Variants in CEBPZOS observed in about 807,000 individuals in gnomAD.
CEBPZOS encodes the protein CEBPZ opposite strand.
In CEBPZOS, 10 loss-of-function variants were observed where a neutral mutation model predicts 4.8. The observed-to-expected ratio is 2.07, with a 90% CI of 1.28 to 3.52. The LOEUF is 3.52. Ranked by LOEUF, CEBPZOS falls within the 30% of genes most tolerant of loss-of-function variation. CEBPZOS has a pLI of 0.00. For synonymous variants in CEBPZOS, 25 were observed against 14.2 expected, an observed-to-expected ratio of 1.77 and a Z score of -1.72; for missense variants, 98 against 43.6, an observed-to-expected ratio of 2.25 and a Z score of -3.51.
downstream of CEBPZOS, among the ~76,000 whole-genome samples, chr2:37,207,475 C>T (rs918691546): frequency 5.3e-5 from 8 of 152,214 alleles, no homozygotes; most frequent in African/African-American, 7.2e-5. Context: ...CAGTGGAATA[C>T]AATTGGAAAT....
rs190954465 is a variant in CEBPZOS, at chr2:37,202,148, G to C, written c.*288G>C. Reference sequence around the variant, plus strand: ...TGCTCTAAAGATTTTCTCTCCCCAAGCACTTTTACTGGTGAAATAAAAACC... The same window carrying C: ...TGCTCTAAAGATTTTCTCTCCCCAACCACTTTTACTGGTGAAATAAAAACC... On this transcript the variant is annotated 3_prime_UTR_variant, in exon 5 of 5. Coordinates refer to ENST00000402297, the MANE Select transcript of CEBPZOS (RefSeq NM_001322374.2). 5.7e-5 allele frequency: 15 copies of C among 261,424 alleles called. No individual in the cohort carries two copies. The highest frequency in any genetic ancestry group is 3.1e-4 in the African/African-American group (14 of 44,480). The allele number at this position is 261,424 out of a possible 1,614,324, so 16.2% of individuals were successfully genotyped here. A position where few individuals can be genotyped will look rare whatever the true frequency, so the allele number is the denominator to read the frequency against.
At chr2:37,206,368 C>G (rs1054799721), downstream of CEBPZOS, among the ~76,000 whole-genome samples, 1 of 152,160 alleles carries the variant, frequency 6.6e-6, no homozygotes, top group Non-Finnish European at 1.5e-5. Flanking sequence ...TTTTTTGTTT[C>G]TTTTTTTGAG....
intron 1 of CEBPZOS, among the ~76,000 whole-genome samples, chr2:37,198,101 A>G (rs781537831): frequency 1.3e-5 from 2 of 152,098 alleles, no homozygotes; most frequent in Admixed American, 6.5e-5. Context: ...CGGAGGTTAC[A>G]GTGAGCCAAG....
At chr2:37,213,536 C>T (rs140986440) in exon 5 of CEBPZOS, 4,213 of 176,104 alleles carry the variant, frequency 0.024, 80 homozygotes, top group Middle Eastern at 0.051. Flanking sequence ...CTCTGCTTCT[C>T]GAGTAGCTGG....
intron 4 of CEBPZOS, chr2:37,211,788 A>C (rs1677727047): frequency 6.8e-6 from 9 of 1,328,110 alleles, no homozygotes; most frequent in Non-Finnish European, 9.2e-6. Flanking sequence ...AAACAAACTT[A>C]AGGCTAAGGA....
chr2:37,208,283 C>T (rs553744373), downstream of CEBPZOS, among the ~76,000 whole-genome samples: 32 of 152,166 alleles, frequency 2.1e-4, no homozygotes, highest in Middle Eastern at 6.8e-3. Context: ...GGGAATCCTC[C>T]CTAAATCATT....
In CEBPZOS at chr2:37,211,360, C is replaced by T. The variant is rs149678461; in HGVS notation, c.*3-2077C>T. 1,258 of 275,626 alleles carry T rather than the reference C, an allele frequency of 4.6e-3. 5 individuals are homozygous for T. Among genetic ancestry groups the T allele is most frequent in the Middle Eastern group, 9.6e-3 (9 of 934 alleles). 17.1% of individuals were successfully genotyped at this position (275,626 alleles called of 1,614,324 possible). Reference sequence around the variant, plus strand: ...AACCCCTTAAAACAAGAAACTTCTGCTGTGGTTCAGAATAAGTAAGAAGAA... The same window carrying T: ...AACCCCTTAAAACAAGAAACTTCTGTTGTGGTTCAGAATAAGTAAGAAGAA... On this transcript the variant is annotated intron_variant, in intron 4 of 4. Transcript: ENST00000397064.
intron 4 of CEBPZOS, chr2:37,211,790 G>T: frequency 7.4e-7 from 1 of 1,349,508 alleles, no homozygotes. Context: ...ACAAACTTAA[G>T]GCTAAGGAAG....
downstream of CEBPZOS, among the ~76,000 whole-genome samples, chr2:37,206,991 C>T (rs1677560757): frequency 1.3e-5 from 2 of 152,254 alleles, no homozygotes; most frequent in East Asian, 1.9e-4. Flanking sequence ...CAAAAGCAAG[C>T]AGGACTAGCT....
downstream of CEBPZOS, among the ~76,000 whole-genome samples, chr2:37,214,340 C>T (rs946455865): frequency 2.0e-5 from 3 of 152,072 alleles, no homozygotes; most frequent in East Asian, 1.9e-4. Context: ...TACTTTACTA[C>T]CCTAAGGCAT....
chr2:37,214,960 A>C, downstream of CEBPZOS: 2 of 1,585,074 alleles, frequency 1.3e-6, no homozygotes, highest in Non-Finnish European at 1.7e-6. Flanking sequence ...TCACTACAAA[A>C]ATAAATTTAA....
Position 37,201,872 on chromosome 2 carries a change from A to G in CEBPZOS, c.*12A>G. 6.2e-7 allele frequency: 1 copy of G among 1,613,810 alleles called. No homozygotes were observed. Among genetic ancestry groups the G allele is most frequent in the Non-Finnish European group, 8.5e-7 (1 of 1,179,902 alleles). ...CATCTCTGTTGTGTAGCCAGTCATC[A>G]CGTTCAGCCTCCCATCTAAGCTGTT... On this transcript the variant is annotated 3_prime_UTR_variant, in exon 5 of 5. Coordinates refer to ENST00000402297, the MANE Select transcript of CEBPZOS (RefSeq NM_001322374.2).
At chr2:37,201,570 T>C (rs1677234628) in intron 3 of CEBPZOS, 72 bp from the exon 4 acceptor site, 2 of 647,360 alleles carry the variant, frequency 3.1e-6, no homozygotes, top group Admixed American at 5.8e-5. Flanking sequence ...AAAGAAGTTG[T>C]TTTTTTCAAT....
intron 4 of CEBPZOS, chr2:37,210,915 T>A: frequency 7.6e-6 from 6 of 786,900 alleles, no homozygotes; most frequent in Non-Finnish European, 9.7e-6. Flanking sequence ...ATTAATCAAA[T>A]TTAGGAGAGT....
At chr2:37,211,621 A>G (rs2239650) in intron 4 of CEBPZOS, 50,182 of 463,018 alleles carry the variant, frequency 0.11, 4,587 homozygotes, top group East Asian at 0.39. Context: ...GGTTAAAGTA[A>G]AAGTCCAAAG....
chr2:37,202,742 A>T lies in CEBPZOS; in HGVS notation c.*882A>T. On this transcript the variant is annotated 3_prime_UTR_variant, in exon 5 of 5. Transcript: ENST00000402297. Reference sequence around the variant, plus strand: ...CCTATCTTCTGAAGTTCCAAGCCAAAGCTATTTTTAAAACATCAATAAAAA... The same window carrying T: ...CCTATCTTCTGAAGTTCCAAGCCAATGCTATTTTTAAAACATCAATAAAAA... 1 of 1,207,994 alleles carries T rather than the reference A, an allele frequency of 8.3e-7. No homozygotes were observed. 74.8% of individuals were successfully genotyped at this position (1,207,994 alleles called of 1,614,324 possible).
downstream of CEBPZOS, among the ~76,000 whole-genome samples, chr2:37,206,897 G>C (rs1677557537): frequency 1.3e-5 from 2 of 152,148 alleles, no homozygotes; most frequent in Non-Finnish European, 2.9e-5. Flanking sequence ...AATCTGCTGT[G>C]TTCAGGAGAC....
intron 4 of CEBPZOS, chr2:37,212,619 GCT>G (rs1054197238): frequency 1.1e-4 from 58 of 532,284 alleles, no homozygotes; most frequent in African/African-American, 8.7e-4. Context: ...GTTAATTTCG[GCT>G]CTTTCTACAG....
At chr2:37,211,898 A>G (rs1677731497) in intron 4 of CEBPZOS, 2 of 1,612,140 alleles carry the variant, frequency 1.2e-6, no homozygotes, top group African/African-American at 2.7e-5. Context: ...CTCCATCTTC[A>G]TCAACTTCAG....
Sources: gnomAD v4.1 joint callset for allele counts (sites outside exome capture counted in the v4.1 genomes callset) on GRCh38, gnomAD v4.1.1 for gene constraint, MANE v1.5 for transcripts, NCBI Gene and HGNC (gene_info 2026-07-23, HGNC 2026-07-21) for gene names.